The following SUCLG2 variants were observed in gnomAD, a reference collection of about 807,000 sequenced individuals.
SUCLG2 encodes succinate--CoA ligase [GDP-forming] subunit beta, mitochondrial.
A neutral mutation model predicts 47.9 loss-of-function variants in SUCLG2; 42 were observed. The ratio of observed to expected loss-of-function variants is 0.88; its 90% CI spans 0.69 to 1.14. The LOEUF is 1.14. Among genes scored for constraint, SUCLG2 ranks in the 50% most tolerant of loss-of-function variants. The pLI is 0.00. For missense variants in SUCLG2, 571 were observed against 525.9 expected (o/e 1.09, Z -0.84); for synonymous variants, 195 against 197.3 (o/e 0.99, Z 0.10).
chr3:67,388,035 G>GT (rs1702297833), intron 10 of SUCLG2, among the ~76,000 whole-genome samples: 7 of 151,902 alleles, frequency 4.6e-5, no homozygotes, highest in African/African-American at 1.7e-4. Flanking sequence ...TCTGCTAATA[G>GT]GACCTGCTTC....
At chr3:67,591,170 A>G (rs1708153932) in intron 2 of SUCLG2, among the ~76,000 whole-genome samples, 1 of 152,164 alleles carries the variant, frequency 6.6e-6, no homozygotes, top group South Asian at 2.1e-4. Flanking sequence ...TCTGTCTAGA[A>G]GCCTTTCCTA....
intron 10 of SUCLG2, among the ~76,000 whole-genome samples, chr3:67,400,296 T>C (rs528065859): frequency 2.0e-4 from 30 of 152,058 alleles, no homozygotes; most frequent in African/African-American, 7.0e-4. Flanking sequence ...TTAAGAGTTA[T>C]TTTTTAAATT....
intron 7 of SUCLG2, among the ~76,000 whole-genome samples, chr3:67,500,885 A>T (rs762907706): frequency 6.6e-6 from 1 of 152,218 alleles, no homozygotes; most frequent in Non-Finnish European, 1.5e-5. Context: ...CTCCTTACAA[A>T]GACTACAGTT....
chr3:67,611,448 C>G (rs1412818400), intron 1 of SUCLG2, among the ~76,000 whole-genome samples: 2 of 152,132 alleles, frequency 1.3e-5, no homozygotes, highest in Non-Finnish European at 2.9e-5. Flanking sequence ...AATGAACATA[C>G]TCAAAGGCTT....
intron 4 of SUCLG2, among the ~76,000 whole-genome samples, chr3:67,526,921 C>A (rs1294065804): frequency 1.3e-5 from 2 of 152,072 alleles, no homozygotes; most frequent in African/African-American, 4.8e-5. Context: ...AAAAACGAAC[C>A]AACCCAGATG....
At chr3:67,391,005 T>C (rs921338669) in intron 10 of SUCLG2, among the ~76,000 whole-genome samples, 2 of 152,344 alleles carry the variant, frequency 1.3e-5, no homozygotes, top group East Asian at 3.9e-4. Context: ...ATATTAATAA[T>C]AAACCTCGAG....
intron 2 of SUCLG2, among the ~76,000 whole-genome samples, chr3:67,608,307 G>T (rs1700460333): frequency 6.6e-6 from 1 of 152,204 alleles, no homozygotes; most frequent in African/African-American, 2.4e-5. Flanking sequence ...ACCCACAGCT[G>T]ACAGAAGTGG....
At chr3:67,391,902 T>G (rs1702392458) in intron 10 of SUCLG2, among the ~76,000 whole-genome samples, 1 of 152,188 alleles carries the variant, frequency 6.6e-6, no homozygotes, top group Admixed American at 6.5e-5. Flanking sequence ...ACTCAAGCCC[T>G]GTCCCCTTGC....
chr3:67,441,141 C>G (rs1703752273), intron 9 of SUCLG2, among the ~76,000 whole-genome samples: 2 of 152,062 alleles, frequency 1.3e-5, no homozygotes, highest in Non-Finnish European at 2.9e-5. Flanking sequence ...AAACTAAACA[C>G]TGCATGTTCT....
At chr3:67,532,596 A>C (rs894668398) in intron 2 of SUCLG2, among the ~76,000 whole-genome samples, 3 of 152,126 alleles carry the variant, frequency 2.0e-5, no homozygotes, top group African/African-American at 7.2e-5. Context: ...TTTCTTAGTG[A>C]GTTTCTGAAA....
chr3:67,495,027 A>G (rs1406938500), intron 9 of SUCLG2, among the ~76,000 whole-genome samples: 1 of 152,226 alleles, frequency 6.6e-6, no homozygotes, highest in Admixed American at 6.5e-5. Context: ...GGTCAGAGAT[A>G]AAAATTAGAA....
intron 1 of SUCLG2, among the ~76,000 whole-genome samples, chr3:67,615,289 G>A (rs1053234737): frequency 4.6e-5 from 7 of 151,648 alleles, no homozygotes; most frequent in Admixed American, 1.3e-4. Flanking sequence ...ATCATCCTTC[G>A]CCCCATGGTT....
At position 67,614,492 on chromosome 3, in the gene SUCLG2, C is replaced by A. The variant is rs533981357; in HGVS notation, c.85-4896G>T. Among the ~76,000 whole-genome samples, 26 of 151,980 alleles carry A rather than the reference C, an allele frequency of 1.7e-4. No homozygotes were observed. In the South Asian group the frequency reaches 5.4e-3, roughly 32 times the overall value. Reference sequence around the variant, plus strand: ...TCCTATGGCTCACGGAAGATTCCTGCTGTTGTCCATCCATCTCTGTGTTGC... The same window carrying A: ...TCCTATGGCTCACGGAAGATTCCTGATGTTGTCCATCCATCTCTGTGTTGC... On this transcript the variant is annotated intron_variant, in intron 1 of 10. Transcript: ENST00000307227.
chr3:67,434,310 G>C (rs188145364), intron 9 of SUCLG2, among the ~76,000 whole-genome samples: 1 of 152,294 alleles, frequency 6.6e-6, no homozygotes, highest in East Asian at 1.9e-4. Flanking sequence ...AGGATCTCTT[G>C]AGCTCAGGAG....
intron 2 of SUCLG2, among the ~76,000 whole-genome samples, chr3:67,604,949 T>C (rs1026765509): frequency 1.3e-5 from 2 of 152,252 alleles, no homozygotes; most frequent in Non-Finnish European, 2.9e-5. Flanking sequence ...AATTAAAATA[T>C]GAACTCTCCT....
chr3:67,436,605 T>C (rs1703630307), intron 9 of SUCLG2, among the ~76,000 whole-genome samples: 1 of 152,162 alleles, frequency 6.6e-6, no homozygotes. Context: ...ACTATAGGAC[T>C]TTTACTAAGT....
chr3:67,582,787 G>A (rs1453410367), intron 2 of SUCLG2, among the ~76,000 whole-genome samples: 1 of 151,840 alleles, frequency 6.6e-6, no homozygotes, highest in African/African-American at 2.4e-5. Context: ...TGCTATTTTT[G>A]ACTTTTTACT....
At chr3:67,613,037 T>C (rs975736477) in intron 1 of SUCLG2, among the ~76,000 whole-genome samples, 4 of 152,164 alleles carry the variant, frequency 2.6e-5, no homozygotes, top group Admixed American at 2.0e-4. Context: ...TCTCTGGGGG[T>C]ACCACCTTGC....
chr3:67,414,492 G>A (rs1311331073), intron 9 of SUCLG2, among the ~76,000 whole-genome samples: 1 of 152,188 alleles, frequency 6.6e-6, no homozygotes, highest in Non-Finnish European at 1.5e-5. Flanking sequence ...AATGAGTAGA[G>A]AGGTATTAGA....
Sources: gnomAD v4.1 joint callset for allele counts (sites outside exome capture counted in the v4.1 genomes callset) on GRCh38, gnomAD v4.1.1 for gene constraint, MANE v1.5 for transcripts, NCBI Gene and HGNC (gene_info 2026-07-23, HGNC 2026-07-21) for gene names.